Variants in NADK observed in about 807,000 individuals in gnomAD.
NADK encodes the protein NAD kinase, also known as poly(P)/ATP NAD kinase.
A neutral mutation model predicts 49.8 loss-of-function variants in NADK; 22 were observed. The observed-to-expected ratio is 0.44, with a 90% CI of 0.32 to 0.63. The LOEUF (loss-of-function observed/expected upper bound fraction) is 0.63, where lower values mean the gene tolerates loss of function less well. NADK is among the 30% of genes least tolerant of loss of function. The pLI is 0.06. For missense variants in NADK, 438 were observed against 609.4 expected (o/e 0.72, Z 2.96); for synonymous variants, 268 against 253.7 (o/e 1.06, Z -0.54).
intron 1 of NADK, among the ~76,000 whole-genome samples, chr1:1,773,677 TG>T (rs1420645145): frequency 1.1e-3 from 20 of 18,920 alleles, no homozygotes; most frequent in African/African-American, 6.3e-3. Flanking sequence ...AGCTCTATTT[TG>T]TGTGTGTGTG....
chr1:1,776,756 G>T (rs1646223296), intron 1 of NADK, among the ~76,000 whole-genome samples: 1 of 131,560 alleles, frequency 7.6e-6, no homozygotes. Context: ...CTGGGCAACA[G>T]AGCTAGACTC....
chr1:1,754,681 GAAC>G lies in NADK; in HGVS notation c.703_705del (p.Val235del), dbSNP rs1231313910. The stretch of plus-strand genomic sequence containing the variant: ...ACCCTGACCTTCAGCCGACTCCGGA[GAAC>G]AACAGCTGCGTTCCCTGAGGTCCAG... On this transcript the variant is annotated inframe_deletion, in exon 8 of 12. Transcript: ENST00000341426. The surrounding 1 kb of genome is among the most constrained non-coding windows in gnomAD (Gnocchi z 4.3). 2.5e-6 allele frequency: 4 copies of G among 1,612,480 alleles called. No individual in the cohort carries two copies. The highest frequency in any genetic ancestry group is 1.1e-5 in the South Asian group (1 of 91,040).
At chr1:1,770,423 T>C (rs1646012751) in intron 1 of NADK, among the ~76,000 whole-genome samples, 1 of 152,198 alleles carries the variant, frequency 6.6e-6, no homozygotes, top group South Asian at 2.1e-4. Flanking sequence ...GACATTTCTA[T>C]GTAGAAAAAC....
chr1:1,758,545 A>T (rs1645608865), intron 3 of NADK: 1 of 1,585,560 alleles, frequency 6.3e-7, no homozygotes, highest in African/African-American at 1.3e-5. Context: ...TATGGTCCTG[A>T]CTGTGCGCCC....
At chr1:1,770,400 T>G (rs1401988945) in intron 1 of NADK, among the ~76,000 whole-genome samples, 2 of 152,224 alleles carry the variant, frequency 1.3e-5, no homozygotes, top group African/African-American at 4.8e-5. Context: ...GAAGTTGTAC[T>G]TGCAGATGAC....
rs778420580 is a variant in NADK, at chr1:1,754,499, G to A, written c.843+45C>T. 17 of 468,056 alleles carry A rather than the reference G, an allele frequency of 3.6e-5. No individual in the cohort carries two copies. The Admixed American group carries it at 5.4e-4, about 15-fold the overall frequency. 29.0% of individuals were successfully genotyped at this position (468,056 alleles called of 1,614,324 possible). On this transcript the variant is annotated intron_variant, in intron 8 of 11. Coordinates refer to ENST00000341426, the MANE Select transcript of NADK (RefSeq NM_023018.5). This position sits in a 1 kb window ranked among gnomAD's most constrained non-coding sequence, Gnocchi z 4.3. The stretch of plus-strand genomic sequence containing the variant: ...GGTCCTCATCCCTGGGACCGAAGTC[G>A]CCCCACCCTGGGCCCCTCACCGAGG...
chr1:1,754,577 G>T lies in NADK; in HGVS notation c.810C>A (p.Asp270Glu). Reference protein sequence around the residue: ...GENGSQAAGLDMDVGKQAMQY... With the variant: ...GENGSQAAGLEMDVGKQAMQY... ...GCATGGCCTGCTTCCCGACATCCAT[G>T]TCCAGGCCTGCAGCCTGCGAGCCGT... Residue 270 changes from aspartate to glutamate, a missense_variant, in exon 8 of 12, where the codon GAC becomes GAA. Transcript: ENST00000341426. The surrounding 1 kb of genome is among the most constrained non-coding windows in gnomAD (Gnocchi z 4.3). The T allele has an allele frequency of 6.2e-7, 1 of 1,613,334 alleles. No individual in the cohort carries two copies.
rs1645507076 is a variant in NADK, at chr1:1,755,997, C to G, written c.585+261G>C. The G allele has an allele frequency of 1.6e-5, 9 of 573,278 alleles. No individual in the cohort carries two copies. The South Asian group carries it at 1.8e-4, about 12-fold the overall frequency. 35.5% of individuals were successfully genotyped at this position (573,278 alleles called of 1,614,324 possible). On this transcript the variant is annotated intron_variant, in intron 6 of 11. Transcript: ENST00000341426. ...GATGGGCCAGTAGGCGAGGTCGTTTCCCAGGACCCACCACCCTGCGCCACT... is the reference window on the plus strand; with the variant it reads ...GATGGGCCAGTAGGCGAGGTCGTTTGCCAGGACCCACCACCCTGCGCCACT...
In NADK at chr1:1,767,407, C is replaced by A. The variant is rs370815928; in HGVS notation, c.-40-1961G>T. The stretch of plus-strand genomic sequence containing the variant: ...AACAGGCTGCCAGGGTCGGTTCAAT[C>A]CCATCAAAGCTGGGTCACAGCCCAT... On this transcript the variant is annotated intron_variant, in intron 1 of 11. Coordinates refer to ENST00000341426, the MANE Select transcript of NADK (RefSeq NM_023018.5). Among the ~76,000 whole-genome samples the A allele has an allele frequency of 8.5e-5, 13 of 152,286 alleles. 1 individual carries two copies. Among genetic ancestry groups the A allele is most frequent in the Admixed American group, 2.6e-4 (4 of 15,280 alleles).
intron 3 of NADK, chr1:1,759,999 G>A: frequency 1.5e-6 from 2 of 1,342,110 alleles, no homozygotes; most frequent in East Asian, 2.5e-5. Context: ...GCGGGACAGA[G>A]CCACGGCGGG....
rs1645464302 is a variant in NADK at position 1,754,959 on chromosome 1, C to T, written c.689-261G>A. ...GCCTCAGCCTCCCAAGTAGCTGGAACTACGGGTGCGCACCACCACGCCCAG... is the reference window on the plus strand; with the variant it reads ...GCCTCAGCCTCCCAAGTAGCTGGAATTACGGGTGCGCACCACCACGCCCAG... On this transcript the variant is annotated intron_variant, in intron 7 of 11. Transcript: ENST00000341426. This position sits in a 1 kb window ranked among gnomAD's most constrained non-coding sequence, Gnocchi z 4.3. The T allele has an allele frequency of 2.1e-6, 1 of 465,490 alleles. No individual in the cohort carries two copies. The highest frequency in any genetic ancestry group is 2.7e-5 in the South Asian group (1 of 37,062). 28.8% of individuals were successfully genotyped at this position (465,490 alleles called of 1,614,324 possible). A position where few individuals can be genotyped will look rare whatever the true frequency, so the allele number is the denominator to read the frequency against.
intron 10 of NADK, 62 bp from the exon 11 acceptor site, chr1:1,753,711 C>CT: frequency 7.0e-7 from 1 of 1,436,898 alleles, no homozygotes. Flanking sequence ...TCTAGGCACC[C>CT]ACCCCTGAGT....
chr1:1,777,935 C>A (rs1646259418), intron 1 of NADK, among the ~76,000 whole-genome samples: 2 of 152,240 alleles, frequency 1.3e-5, no homozygotes, highest in African/African-American at 4.8e-5. Context: ...AAAGACCCCT[C>A]CTGCTTGCTG....
At chr1:1,765,173 G>T in intron 2 of NADK, 55 bp downstream of exon 2, 1 of 1,467,194 alleles carries the variant, frequency 6.8e-7, no homozygotes, top group Non-Finnish European at 9.2e-7. Flanking sequence ...TTTTAAGAAA[G>T]AATATTATGA....
chr1:1,759,105 TG>T, intron 3 of NADK: 1 of 1,540,410 alleles, frequency 6.5e-7, no homozygotes, highest in Non-Finnish European at 8.8e-7. Context: ...ACTGACCCAG[TG>T]GCCTGGCCTA....
chr1:1,771,935 G>A (rs555210672), intron 1 of NADK, among the ~76,000 whole-genome samples: 5 of 151,018 alleles, frequency 3.3e-5, no homozygotes, highest in Admixed American at 1.3e-4. Flanking sequence ...AGCCTCCCAA[G>A]TAGCTGGGAT....
At chr1:1,776,036 C>G (rs966172109) in intron 1 of NADK, among the ~76,000 whole-genome samples, 14 of 152,110 alleles carry the variant, frequency 9.2e-5, no homozygotes, top group Admixed American at 5.9e-4. Flanking sequence ...ACAGCCTCCC[C>G]CCAAGTGCTG....
At position 1,754,543 on chromosome 1, in the gene NADK, C is replaced by T; in HGVS notation, c.843+1G>A. ...ACCGAGGCCGAGGCGCCTCCACTCACCTGGTACTGCATGGCCTGCTTCCCG... is the reference window on the plus strand; with the variant it reads ...ACCGAGGCCGAGGCGCCTCCACTCATCTGGTACTGCATGGCCTGCTTCCCG... On this transcript the variant is annotated splice_donor_variant, in intron 8 of 11. Coordinates refer to ENST00000341426, the MANE Select transcript of NADK (RefSeq NM_023018.5). LOFTEE classifies it high-confidence loss of function. The surrounding 1 kb of genome is among the most constrained non-coding windows in gnomAD (Gnocchi z 4.3). 3 of 1,610,912 alleles carry T rather than the reference C, an allele frequency of 1.9e-6. No homozygotes were observed. Among genetic ancestry groups the T allele is most frequent in the Non-Finnish European group, 2.5e-6 (3 of 1,178,638 alleles).
chr1:1,763,288 C>T (rs1452884439), intron 2 of NADK, among the ~76,000 whole-genome samples: 1 of 152,098 alleles, frequency 6.6e-6, no homozygotes, highest in Non-Finnish European at 1.5e-5. Context: ...TTGAGACCAT[C>T]CTGGCTAACA....
Sources: allele counts gnomAD v4.1 joint callset (sites outside exome capture counted in the v4.1 genomes callset), GRCh38; gene constraint gnomAD v4.1.1; non-coding constraint Gnocchi (gnomAD v3.1); transcripts MANE v1.5; gene names NCBI Gene and HGNC (gene_info 2026-07-23, HGNC 2026-07-21).